SCFD2: variants seen among roughly 807,000 people sequenced by gnomAD.
The protein encoded by SCFD2 is sec1 family domain-containing protein 2.
Under a neutral mutation model 58.9 loss-of-function variants are expected in SCFD2, and 54 were observed. The observed-to-expected ratio is 0.92, with a 90% CI of 0.74 to 1.15. SCFD2 has a LOEUF of 1.15. SCFD2 is among the 50% of genes most tolerant of loss of function. The pLI is 0.00. For missense variants in SCFD2, 805 were observed against 836.6 expected (o/e 0.96, Z 0.47); for synonymous variants, 321 against 335.9 (o/e 0.96, Z 0.49).
intron 5 of SCFD2, among the ~76,000 whole-genome samples, chr4:53,080,674 G>A (rs1158265583): frequency 6.6e-6 from 1 of 152,082 alleles, no homozygotes; most frequent in Non-Finnish European, 1.5e-5. Context: ...CAAATAGGGA[G>A]GGGTTGTGGG....
intron 5 of SCFD2, among the ~76,000 whole-genome samples, chr4:53,092,114 G>A (rs1340017425): frequency 6.6e-6 from 1 of 152,078 alleles, no homozygotes; most frequent in African/African-American, 2.4e-5. Flanking sequence ...AAATTACAGT[G>A]CATATTTGTG....
At chr4:53,197,224 C>A (rs1728084997) in intron 4 of SCFD2, among the ~76,000 whole-genome samples, 1 of 152,072 alleles carries the variant, frequency 6.6e-6, no homozygotes, top group African/African-American at 2.4e-5. Flanking sequence ...TACTATTATT[C>A]TAGAGTTCTG....
intron 5 of SCFD2, among the ~76,000 whole-genome samples, chr4:53,139,798 G>T (rs982521019): frequency 6.6e-6 from 1 of 152,232 alleles, no homozygotes; most frequent in African/African-American, 2.4e-5. Flanking sequence ...AAGAGAGATC[G>T]GATTGTTACT....
At chr4:53,128,074 A>T (rs559064698) in intron 5 of SCFD2, among the ~76,000 whole-genome samples, 3 of 150,614 alleles carry the variant, frequency 2.0e-5, no homozygotes, top group Non-Finnish European at 4.4e-5. Context: ...AAAAAAGCCA[A>T]TAAAAAATCT....
At chr4:53,183,101 T>A (rs1031106651) in intron 4 of SCFD2, among the ~76,000 whole-genome samples, 6 of 152,216 alleles carry the variant, frequency 3.9e-5, no homozygotes, top group Admixed American at 3.9e-4. Context: ...TGGCGATTCC[T>A]CAGGGATCTA....
chr4:52,918,547 C>A (rs1719660939), intron 6 of SCFD2, among the ~76,000 whole-genome samples: 1 of 152,076 alleles, frequency 6.6e-6, no homozygotes, highest in South Asian at 2.1e-4. Flanking sequence ...TAAAAAGTGT[C>A]ACATGTATAG....
intron 5 of SCFD2, among the ~76,000 whole-genome samples, chr4:53,054,494 T>C (rs1273179344): frequency 1.3e-5 from 2 of 151,910 alleles, no homozygotes; most frequent in Non-Finnish European, 2.9e-5. Flanking sequence ...AATTGAAAAA[T>C]ATGCAGTAAG....
At chr4:53,105,797 A>G (rs1031047302) in intron 5 of SCFD2, among the ~76,000 whole-genome samples, 1 of 152,168 alleles carries the variant, frequency 6.6e-6, no homozygotes, top group Non-Finnish European at 1.5e-5. Context: ...GCAGGCTCTG[A>G]AGAGAGCAGC....
At chr4:52,887,893 A>ATTTT (rs1718776920) in intron 7 of SCFD2, among the ~76,000 whole-genome samples, 1 of 119,872 alleles carries the variant, frequency 8.3e-6, no homozygotes. Flanking sequence ...TCAACATCTT[A>ATTTT]TTCTTTTTTT....
intron 3 of SCFD2, among the ~76,000 whole-genome samples, chr4:53,283,141 C>A (rs1278348713): frequency 6.6e-6 from 1 of 152,214 alleles, no homozygotes; most frequent in Non-Finnish European, 1.5e-5. Flanking sequence ...ACATGTCAAG[C>A]ACTTTAGAAG....
chr4:53,258,100 C>G (rs1309532019), intron 4 of SCFD2, among the ~76,000 whole-genome samples: 1 of 152,174 alleles, frequency 6.6e-6, no homozygotes, highest in Non-Finnish European at 1.5e-5. Context: ...CTCACTTGTT[C>G]TCGCTCCATA....
At chr4:53,068,361 G>C (rs1184977742) in intron 5 of SCFD2, among the ~76,000 whole-genome samples, 2 of 151,952 alleles carry the variant, frequency 1.3e-5, no homozygotes, top group Non-Finnish European at 2.9e-5. Context: ...TTCTATTTTA[G>C]ATAAGCATTA....
chr4:53,098,962 A>G (rs1199475180), intron 5 of SCFD2, among the ~76,000 whole-genome samples: 1 of 152,102 alleles, frequency 6.6e-6, no homozygotes, highest in Non-Finnish European at 1.5e-5. Flanking sequence ...CTATCTATCA[A>G]TCATGTTTAC....
At chr4:53,196,079 A>G (rs1274091576) in intron 4 of SCFD2, among the ~76,000 whole-genome samples, 2 of 152,164 alleles carry the variant, frequency 1.3e-5, no homozygotes, top group African/African-American at 2.4e-5. Flanking sequence ...GAGGTGACAG[A>G]AACTGATGTC....
chr4:52,981,436 G>T (rs948447920), intron 5 of SCFD2, among the ~76,000 whole-genome samples: 4 of 152,104 alleles, frequency 2.6e-5, no homozygotes, highest in African/African-American at 9.7e-5. Context: ...GCATTTTATA[G>T]TTCTATACTA....
intron 5 of SCFD2, among the ~76,000 whole-genome samples, chr4:52,961,023 G>A (rs1372662717): frequency 6.6e-6 from 1 of 152,174 alleles, no homozygotes; most frequent in Non-Finnish European, 1.5e-5. Flanking sequence ...AGGAGAGGCT[G>A]AGGAGGGTTG....
At chr4:53,124,908 A>G (rs1725581347) in intron 5 of SCFD2, among the ~76,000 whole-genome samples, 1 of 152,172 alleles carries the variant, frequency 6.6e-6, no homozygotes, top group Non-Finnish European at 1.5e-5. Flanking sequence ...AAACAACAAT[A>G]ATAACTATAT....
intron 5 of SCFD2, among the ~76,000 whole-genome samples, chr4:52,953,699 G>A (rs1720651553): frequency 6.6e-6 from 1 of 152,176 alleles, no homozygotes; most frequent in Admixed American, 6.5e-5. Context: ...TAAAATCCCA[G>A]GAGAATTAAT....
At chr4:52,951,186 T>A (rs1442225198) in intron 5 of SCFD2, among the ~76,000 whole-genome samples, 1 of 152,118 alleles carries the variant, frequency 6.6e-6, no homozygotes, top group East Asian at 1.9e-4. Context: ...CTCCCTCCCT[T>A]CCTTCCTCCC....
Sources: allele counts gnomAD v4.1 joint callset (sites outside exome capture counted in the v4.1 genomes callset), GRCh38; gene constraint gnomAD v4.1.1; transcripts MANE v1.5; gene names NCBI Gene and HGNC (gene_info 2026-07-23, HGNC 2026-07-21).